The following PTPRN2 variants were observed in gnomAD, a reference collection of about 807,000 sequenced individuals.
PTPRN2 encodes protein tyrosine phosphatase receptor type N2, also known as receptor-type tyrosine-protein phosphatase N2.
A neutral mutation model predicts 118.8 loss-of-function variants in PTPRN2; 74 were observed. The ratio of observed to expected loss-of-function variants is 0.62; its 90% CI spans 0.52 to 0.76. The LOEUF (loss-of-function observed/expected upper bound fraction) is 0.76, where lower values mean the gene tolerates loss of function less well. Ranked by LOEUF, PTPRN2 falls within the 30% of genes least tolerant of loss-of-function variation. The pLI, the probability that PTPRN2 is intolerant of heterozygous loss-of-function variation, is 0.00. For missense variants in PTPRN2, 1,481 were observed against 1,394.4 expected, an observed-to-expected ratio of 1.06 and a Z score of -0.99; for synonymous variants, 641 against 608.0, an observed-to-expected ratio of 1.05 and a Z score of -0.80.
chr7:158,211,363 A>T lies in PTPRN2; in HGVS notation c.278-6090T>A, dbSNP rs116142803. ...ACCAAAGCAAAACTGGACAGATGGG[A>T]TCACATCAAGTGAAAAAACCTCTGC... On this transcript the variant is annotated intron_variant, in intron 3 of 22. Transcript: ENST00000389418. Among the ~76,000 whole-genome samples the T allele has an allele frequency of 4.3e-3, 656 of 152,324 alleles. 6 individuals are homozygous for T. The highest frequency in any genetic ancestry group is 0.015 in the African/African-American group (629 of 41,576).
At chr7:158,135,554 G>A (rs6966230) in intron 8 of PTPRN2, among the ~76,000 whole-genome samples, 51,395 of 151,998 alleles carry the variant, frequency 0.34, 8,916 homozygotes, top group East Asian at 0.5. Flanking sequence ...AACTGAGTCA[G>A]AATTCCACGC....
intron 12 of PTPRN2, among the ~76,000 whole-genome samples, chr7:157,841,705 C>G (rs973846237): frequency 2.6e-5 from 4 of 152,250 alleles, no homozygotes; most frequent in African/African-American, 9.6e-5. Context: ...AGGAAGCCTT[C>G]CATAGAAAGA....
intron 6 of PTPRN2, among the ~76,000 whole-genome samples, chr7:158,139,722 T>A (rs1216572050): frequency 6.6e-6 from 1 of 151,974 alleles, no homozygotes; most frequent in African/African-American, 2.4e-5. Context: ...CACATGAGAA[T>A]GGAAAGGGTC....
chr7:158,264,628 C>G (rs1195906636), intron 3 of PTPRN2, among the ~76,000 whole-genome samples: 1 of 152,146 alleles, frequency 6.6e-6, no homozygotes, highest in Non-Finnish European at 1.5e-5. Flanking sequence ...CCAGATTCAC[C>G]TCGAGACTCC....
At chr7:158,108,825 T>G (rs1039961869) in intron 10 of PTPRN2, among the ~76,000 whole-genome samples, 81 of 152,256 alleles carry the variant, frequency 5.3e-4, no homozygotes, top group African/African-American at 1.9e-3. Flanking sequence ...TCAAAGGGGA[T>G]GCCCAGCTCC....
At chr7:158,176,240 G>A (rs1283967967) in intron 5 of PTPRN2, among the ~76,000 whole-genome samples, 1 of 152,200 alleles carries the variant, frequency 6.6e-6, no homozygotes, top group Non-Finnish European at 1.5e-5. Flanking sequence ...GGGGTTAGAG[G>A]TCAGTTGGCT....
At chr7:158,334,680 C>T (rs372817242) in intron 2 of PTPRN2, among the ~76,000 whole-genome samples, 52 of 70,292 alleles carry the variant, frequency 7.4e-4, no homozygotes, top group East Asian at 9.0e-4. Flanking sequence ...ACGTCACTCA[C>T]ACCCACACTC....
At chr7:158,188,204 C>T (rs1200375001) in intron 5 of PTPRN2, among the ~76,000 whole-genome samples, 3 of 82,436 alleles carry the variant, frequency 3.6e-5, no homozygotes, top group Non-Finnish European at 5.4e-5. Flanking sequence ...AAGGCCGCCA[C>T]GCTCGCCGCC....
chr7:158,502,371 T>C (rs1324436135), intron 1 of PTPRN2, among the ~76,000 whole-genome samples: 1 of 152,206 alleles, frequency 6.6e-6, no homozygotes, highest in African/African-American at 2.4e-5. Flanking sequence ...ATCAGGTTCT[T>C]CACAAGATCA....
intron 12 of PTPRN2, among the ~76,000 whole-genome samples, chr7:157,894,170 C>T (rs62478067): frequency 0.024 from 3,591 of 152,278 alleles, 59 homozygotes; most frequent in Non-Finnish European, 0.035. Flanking sequence ...ATCGAAATCC[C>T]GCATGACGCA....
intron 11 of PTPRN2, among the ~76,000 whole-genome samples, chr7:157,968,149 T>C (rs571381241): frequency 2.0e-5 from 3 of 152,002 alleles, no homozygotes; most frequent in Admixed American, 2.0e-4. Context: ...CCTGACTCAA[T>C]ATTAAAAAAA....
chr7:158,023,762 A>G (rs942581769), intron 11 of PTPRN2, among the ~76,000 whole-genome samples: 1 of 152,136 alleles, frequency 6.6e-6, no homozygotes, highest in African/African-American at 2.4e-5. Flanking sequence ...TCATCAAGCC[A>G]CTCAGTCATG....
At chr7:157,968,053 T>C (rs1292354055) in intron 11 of PTPRN2, among the ~76,000 whole-genome samples, 1 of 152,230 alleles carries the variant, frequency 6.6e-6, no homozygotes, top group Non-Finnish European at 1.5e-5. Context: ...GCTGGATGTT[T>C]ACCCAGTACC....
chr7:158,354,839 A>C (rs1002398077), intron 2 of PTPRN2, among the ~76,000 whole-genome samples: 1 of 152,218 alleles, frequency 6.6e-6, no homozygotes, highest in Non-Finnish European at 1.5e-5. Flanking sequence ...AGAGAACACC[A>C]GATTCAACCC....
At chr7:157,577,214 G>C (rs1032501600) in intron 18 of PTPRN2, among the ~76,000 whole-genome samples, 1 of 152,188 alleles carries the variant, frequency 6.6e-6, no homozygotes, top group East Asian at 1.9e-4. Flanking sequence ...GCACACCCGG[G>C]TCTAGAGCAG....
At chr7:157,902,335 G>C (rs1254828741) in intron 11 of PTPRN2, among the ~76,000 whole-genome samples, 1 of 152,166 alleles carries the variant, frequency 6.6e-6, no homozygotes, top group South Asian at 2.1e-4. Context: ...TGGAGAGCAC[G>C]TGGGGACCAG....
At chr7:157,902,736 C>T (rs189124487) in intron 11 of PTPRN2, among the ~76,000 whole-genome samples, 3 of 152,152 alleles carry the variant, frequency 2.0e-5, no homozygotes, top group Non-Finnish European at 4.4e-5. Context: ...GGCTGATAAA[C>T]GAGTCTGAGA....
intron 12 of PTPRN2, among the ~76,000 whole-genome samples, chr7:157,731,433 TG>T (rs1463912368): frequency 1.3e-5 from 2 of 151,644 alleles, no homozygotes; most frequent in African/African-American, 4.8e-5. Context: ...GAGGTCTCCC[TG>T]GGGACAGGGC....
intron 3 of PTPRN2, among the ~76,000 whole-genome samples, chr7:158,256,392 C>G (rs1307853557): frequency 1.3e-5 from 2 of 152,148 alleles, no homozygotes; most frequent in Admixed American, 1.3e-4. Context: ...TCACGTGCAC[C>G]CTTGGAGCAA....
Sources: gnomAD v4.1 joint callset for allele counts (sites outside exome capture counted in the v4.1 genomes callset) on GRCh38, gnomAD v4.1.1 for gene constraint, MANE v1.5 for transcripts, NCBI Gene and HGNC (gene_info 2026-07-23, HGNC 2026-07-21) for gene names.